The following CTIF variants were observed in gnomAD, a reference collection of about 807,000 sequenced individuals.
CTIF encodes cap binding complex dependent translation initiation factor, also known as CBP80/20-dependent translation initiation factor.
CTIF carries 21 observed loss-of-function variants against 66.0 expected under a neutral mutation model. The ratio of observed to expected loss-of-function variants is 0.32; its 90% CI spans 0.23 to 0.46. The LOEUF (loss-of-function observed/expected upper bound fraction) is 0.46. CTIF is among the 20% of genes least tolerant of loss of function. CTIF has a pLI of 1.00. For missense variants in CTIF, 739 were observed against 812.7 expected (o/e 0.91, Z 1.10); for synonymous variants, 345 against 326.4 (o/e 1.06, Z -0.62).
At chr18:48,840,884 C>T (rs927396526) in intron 10 of CTIF, among the ~76,000 whole-genome samples, 16 of 142,480 alleles carry the variant, frequency 1.1e-4, no homozygotes, top group Non-Finnish European at 2.0e-4. Context: ...CCCACCCCCA[C>T]CCCAGAAGAT....
At chr18:48,634,600 C>T (rs543840885) in intron 2 of CTIF, among the ~76,000 whole-genome samples, 1 of 152,358 alleles carries the variant, frequency 6.6e-6, no homozygotes, top group Non-Finnish European at 1.5e-5. Flanking sequence ...GACCCAGGCA[C>T]TGCTGGTAAT....
chr18:48,786,208 C>T (rs1050728548), intron 9 of CTIF, among the ~76,000 whole-genome samples: 15 of 152,138 alleles, frequency 9.9e-5, no homozygotes, highest in African/African-American at 3.4e-4. Context: ...CTGTTCCTGG[C>T]GTTTGGGAGG....
At chr18:48,606,599 C>A (rs1187356283) in intron 1 of CTIF, among the ~76,000 whole-genome samples, 1 of 152,226 alleles carries the variant, frequency 6.6e-6, no homozygotes, top group Non-Finnish European at 1.5e-5. Context: ...CTGGACAGGA[C>A]CCAAAGGCTT....
intron 7 of CTIF, 83 bp from the exon 8 acceptor site, chr18:48,757,836 T>C: frequency 6.6e-7 from 1 of 1,510,938 alleles, no homozygotes; most frequent in Non-Finnish European, 8.9e-7. Context: ...AGGCAATGAC[T>C]TCCTGTTCTG....
At chr18:48,789,311 C>T (rs2067741796) in intron 9 of CTIF, among the ~76,000 whole-genome samples, 2 of 151,868 alleles carry the variant, frequency 1.3e-5, no homozygotes, top group African/African-American at 4.9e-5. Flanking sequence ...TTACTCTCTC[C>T]AAGCCTCAGT....
chr18:48,835,662 C>A (rs900555995), intron 10 of CTIF, among the ~76,000 whole-genome samples: 3 of 152,200 alleles, frequency 2.0e-5, no homozygotes, highest in Non-Finnish European at 4.4e-5. Context: ...AGCTCCCTGA[C>A]CCCCATGAGT....
chr18:48,547,772 C>T (rs970088027), intron 1 of CTIF, among the ~76,000 whole-genome samples: 1 of 152,198 alleles, frequency 6.6e-6, no homozygotes, highest in Non-Finnish European at 1.5e-5. Flanking sequence ...ACTTACTTCA[C>T]ACAGAGGCAG....
chr18:48,716,634 T>C (rs1412917270), intron 7 of CTIF, among the ~76,000 whole-genome samples: 7 of 152,046 alleles, frequency 4.6e-5, no homozygotes, highest in South Asian at 2.1e-4. Context: ...CCACCCCCAA[T>C]TGAACTACAT....
At chr18:48,616,837 T>A (rs966148050) in intron 1 of CTIF, among the ~76,000 whole-genome samples, 4 of 152,112 alleles carry the variant, frequency 2.6e-5, no homozygotes, top group African/African-American at 7.2e-5. Flanking sequence ...ACCTCTAGAT[T>A]TGGCAGGTGG....
chr18:48,672,501 G>A (rs299740), intron 6 of CTIF, among the ~76,000 whole-genome samples: 115,170 of 152,044 alleles, frequency 0.76, 44,102 homozygotes, highest in East Asian at 0.99. Flanking sequence ...CCAGCTGAAG[G>A]CCCCCAAATG....
At chr18:48,711,969 C>G (rs1568157163) in intron 7 of CTIF, among the ~76,000 whole-genome samples, 2 of 152,140 alleles carry the variant, frequency 1.3e-5, no homozygotes, top group South Asian at 4.1e-4. Flanking sequence ...CAGGCAGTGA[C>G]CAGGCTTTGC....
At chr18:48,572,600 G>GT (rs2089441205) in intron 1 of CTIF, among the ~76,000 whole-genome samples, 2 of 152,144 alleles carry the variant, frequency 1.3e-5, no homozygotes, top group African/African-American at 4.8e-5. Context: ...CCCCATGGGA[G>GT]TTAATGCTGC....
chr18:48,630,163 C>T (rs2090676671), intron 2 of CTIF, among the ~76,000 whole-genome samples: 1 of 152,126 alleles, frequency 6.6e-6, no homozygotes, highest in South Asian at 2.1e-4. Context: ...GTATCCTCTA[C>T]CTGCGCGTCA....
chr18:48,741,277 C>G (rs1305625016), intron 7 of CTIF, among the ~76,000 whole-genome samples: 1 of 123,512 alleles, frequency 8.1e-6, no homozygotes, highest in Non-Finnish European at 1.7e-5. Context: ...TTACTCTGCC[C>G]CCGCCCCCCC....
At chr18:48,589,016 C>T (rs1320075547) in intron 1 of CTIF, among the ~76,000 whole-genome samples, 1 of 152,206 alleles carries the variant, frequency 6.6e-6, no homozygotes, top group Non-Finnish European at 1.5e-5. Flanking sequence ...GACCCTTGGG[C>T]TGCATGTCGG....
chr18:48,651,717 TA>T (rs1454662647), intron 3 of CTIF, among the ~76,000 whole-genome samples: 1 of 152,214 alleles, frequency 6.6e-6, no homozygotes, highest in Non-Finnish European at 1.5e-5. Flanking sequence ...TAGTTGGAAG[TA>T]AAGCACTCCT....
intron 2 of CTIF, among the ~76,000 whole-genome samples, chr18:48,630,038 C>A (rs1193745115): frequency 6.6e-6 from 1 of 152,156 alleles, no homozygotes; most frequent in Non-Finnish European, 1.5e-5. Flanking sequence ...ATGAAAAATT[C>A]CAGAAATAAA....
chr18:48,837,313 T>C (rs1472242900), intron 10 of CTIF, among the ~76,000 whole-genome samples: 1 of 152,100 alleles, frequency 6.6e-6, no homozygotes, highest in Non-Finnish European at 1.5e-5. Flanking sequence ...GGGGGCTGTC[T>C]AAGGCCCATC....
intron 5 of CTIF, among the ~76,000 whole-genome samples, chr18:48,669,690 AC>A: frequency 6.7e-6 from 1 of 150,318 alleles, no homozygotes; most frequent in South Asian, 2.1e-4. Flanking sequence ...TTACCATTAA[AC>A]ATATGTGTGT....
Sources: allele counts gnomAD v4.1 joint callset (sites outside exome capture counted in the v4.1 genomes callset), GRCh38; gene constraint gnomAD v4.1.1; transcripts MANE v1.5; gene names NCBI Gene and HGNC (gene_info 2026-07-23, HGNC 2026-07-21).